The following CABLES2 variants were observed in gnomAD, a reference collection of about 807,000 sequenced individuals.
CABLES2 encodes CDK5 and ABL1 enzyme substrate 2.
A neutral mutation model predicts 44.8 loss-of-function variants in CABLES2; 35 were observed. The ratio of observed to expected loss-of-function variants is 0.78; its 90% CI spans 0.60 to 1.04. The LOEUF (loss-of-function observed/expected upper bound fraction) is 1.04, where lower values mean the gene tolerates loss of function less well. Ranked by LOEUF, CABLES2 falls within the 50% of genes least tolerant of loss-of-function variation. CABLES2 has a pLI of 0.00. For synonymous variants in CABLES2, 282 were observed against 281.1 expected, an observed-to-expected ratio of 1.00 and a Z score of -0.03; for missense variants, 566 against 615.7, an observed-to-expected ratio of 0.92 and a Z score of 0.85.
chr20:62,405,297 G>C, intron 1 of CABLES2: 1 of 152,276 alleles, frequency 6.6e-6, no homozygotes, highest in East Asian at 1.9e-4. Flanking sequence ...GGGCCTTGCC[G>C]CTCTGCCCTG....
At position 62,394,204 on chromosome 20, in the gene CABLES2, C is replaced by T. The variant is rs777548833; in HGVS notation, c.667G>A (p.Glu223Lys). ...ACACCTTCTAGCTCAAAGACCATCT[C>T]GGAAGACACAGAGACGCCGCCGGAC... Reference protein sequence around the residue: ...HPSGGVSVSSEMVFELEGVEL... With the variant: ...HPSGGVSVSSKMVFELEGVEL... Residue 223 changes from glutamate (E) to lysine (K), a missense_variant, in exon 5 of 10, where the codon GAG becomes AAG. Around this residue, in one of 2 missense-constraint regions of CABLES2, gnomAD observed 436 missense variants for 536.3 expected, o/e 0.81. Transcript: ENST00000279101. 30 of 1,613,532 alleles carry T rather than the reference C, an allele frequency of 1.9e-5. No homozygotes were observed. The highest frequency in any genetic ancestry group is 5.5e-5 in the South Asian group (5 of 91,092).
In CABLES2 at chr20:62,391,612, T is replaced by TA. The variant is rs372574038; in HGVS notation, c.1092-160dup. ...ATGGTACCCTCCGCCGTACCATGTA[T>TA]AACGCCCAGGGCAGGGCGCATGGGC... On this transcript the variant is annotated intron_variant, in intron 8 of 9. Transcript: ENST00000279101. This position sits in a 1 kb window ranked among gnomAD's most constrained non-coding sequence, Gnocchi z 5.7. Among the ~76,000 whole-genome samples, 296 of 152,314 alleles carry TA rather than the reference T, an allele frequency of 1.9e-3. 1 individual carries two copies. The highest frequency in any genetic ancestry group is 6.7e-3 in the African/African-American group (280 of 41,576).
chr20:62,395,811 C>G (rs569432470), intron 3 of CABLES2, among the ~76,000 whole-genome samples: 4 of 152,222 alleles, frequency 2.6e-5, no homozygotes, highest in African/African-American at 4.8e-5. Flanking sequence ...CCTCAGGACA[C>G]CTCAGGACAT....
At chr20:62,405,012 G>A (rs1988254680) in intron 1 of CABLES2, 1 of 152,446 alleles carries the variant, frequency 6.6e-6, no homozygotes, top group East Asian at 1.9e-4. Context: ...ACTTCCCTGC[G>A]CGTCGCCACG....
intron 1 of CABLES2, among the ~76,000 whole-genome samples, chr20:62,401,913 C>G (rs1395309390): frequency 6.6e-6 from 1 of 152,236 alleles, no homozygotes; most frequent in African/African-American, 2.4e-5. Context: ...AAGGAACAAG[C>G]GAGCAAAGCA....
At chr20:62,406,338 T>C (rs6061515) in intron 1 of CABLES2, among the ~76,000 whole-genome samples, 17,552 of 151,892 alleles carry the variant, frequency 0.12, 1,331 homozygotes, top group South Asian at 0.23. Context: ...TGCACAGGGC[T>C]GTCCATGTGT....
chr20:62,394,163 G>A lies in CABLES2; in HGVS notation c.708C>T (p.Asp236=), dbSNP rs760064871. 23 of 1,612,966 alleles carry A rather than the reference G, an allele frequency of 1.4e-5. No homozygotes were observed. The highest frequency in any genetic ancestry group is 2.2e-5 in the South Asian group (2 of 91,086). The change falls in exon 5 of 10, where the codon GAC becomes GAT. Residue 236 remains aspartate, a synonymous_variant. Coordinates refer to ENST00000279101, the MANE Select transcript of CABLES2 (RefSeq NM_031215.3). ...FELEGVELGA[D]GKVVSYAKFL... ...CCAGCGAAGAGGCTCTTACCTTCCC[G>A]TCTGCTCCTAGCTCCACACCTTCTA...
chr20:62,399,825 C>A (rs999589425), intron 1 of CABLES2, among the ~76,000 whole-genome samples: 1 of 149,850 alleles, frequency 6.7e-6, no homozygotes, highest in African/African-American at 2.5e-5. Flanking sequence ...AACTCCTGAT[C>A]TCAAATGATC....
intron 1 of CABLES2, among the ~76,000 whole-genome samples, chr20:62,401,518 C>T (rs545836814): frequency 7.2e-5 from 11 of 152,326 alleles, no homozygotes; most frequent in Admixed American, 3.9e-4. Flanking sequence ...CTGCTCGCCC[C>T]GGGCCCCACA....
intron 1 of CABLES2, among the ~76,000 whole-genome samples, chr20:62,398,211 A>G (rs1269735501): frequency 1.1e-3 from 24 of 22,796 alleles, no homozygotes; most frequent in Non-Finnish European, 1.3e-3. Context: ...GGTGATGGTG[A>G]TGTGATGGTG....
At chr20:62,404,073 T>C (rs2146430082) in intron 1 of CABLES2, 1 of 152,270 alleles carries the variant, frequency 6.6e-6, no homozygotes, top group African/African-American at 2.4e-5. Flanking sequence ...TAGTTCCAGC[T>C]ACTGGGAGGC....
intron 8 of CABLES2, among the ~76,000 whole-genome samples, chr20:62,392,086 CG>C (rs1423289873): frequency 1.3e-5 from 2 of 151,914 alleles, no homozygotes. Context: ...TGGGAGGGGC[CG>C]GGCACAACAG....
At position 62,396,415 on chromosome 20, in the gene CABLES2, G is replaced by A; in HGVS notation, c.435-8C>T. ...CCAGATGTGTGTTTGGTTCTGCAAG[G>A]CAAAGGACACAGGTCACTCTTTTCC... On this transcript the variant is annotated splice_polypyrimidine_tract_variant and splice_region_variant and intron_variant, in intron 2 of 9. Coordinates refer to ENST00000279101, the MANE Select transcript of CABLES2 (RefSeq NM_031215.3). This position sits in a 1 kb window ranked among gnomAD's most constrained non-coding sequence, Gnocchi z 5.7. 1 of 1,613,800 alleles carries A rather than the reference G, an allele frequency of 6.2e-7. No homozygotes were observed. The highest frequency in any genetic ancestry group is 8.5e-7 in the Non-Finnish European group (1 of 1,179,830).
intron 1 of CABLES2, among the ~76,000 whole-genome samples, chr20:62,401,592 C>CA (rs1453775741): frequency 6.6e-6 from 1 of 152,230 alleles, no homozygotes; most frequent in Non-Finnish European, 1.5e-5. Context: ...TACCACCTTA[C>CA]GCCTAGCTGG....
At chr20:62,393,396 G>T in intron 6 of CABLES2, 44 bp downstream of exon 6, 1 of 1,543,428 alleles carries the variant, frequency 6.5e-7, no homozygotes, top group Non-Finnish European at 8.8e-7. Flanking sequence ...GTTAAGGCAC[G>T]CGGGTCACCC....
At chr20:62,403,181 G>C (rs575702726) in intron 1 of CABLES2, 12 of 152,362 alleles carry the variant, frequency 7.9e-5, no homozygotes, top group African/African-American at 2.9e-4. Context: ...CCTCATTAGC[G>C]TTGTGGACAC....
rs559347448 is a variant in CABLES2, at chr20:62,396,480, C to G, written c.434+41G>C. On this transcript the variant is annotated intron_variant, in intron 2 of 9. Transcript: ENST00000279101. The surrounding 1 kb of genome is among the most constrained non-coding windows in gnomAD (Gnocchi z 5.7). ...GGCCCCGCAGGGGTCAGTGGCAGCC[C>G]GAGCGGAGTCGTAGAGCTCGGGGCG... The G allele has an allele frequency of 1.9e-6, 3 of 1,613,476 alleles. No individual in the cohort carries two copies. Among genetic ancestry groups the G allele is most frequent in the Non-Finnish European group, 2.5e-6 (3 of 1,179,692 alleles).
At chr20:62,397,174 C>T (rs1347689894) in intron 1 of CABLES2, among the ~76,000 whole-genome samples, 1 of 152,228 alleles carries the variant, frequency 6.6e-6, no homozygotes, top group African/African-American at 2.4e-5. Flanking sequence ...TGTTCCTGCT[C>T]TTCCAGTGGC....
chr20:62,402,028 T>C (rs1988197862), intron 1 of CABLES2, among the ~76,000 whole-genome samples: 2 of 149,870 alleles, frequency 1.3e-5, no homozygotes, highest in Admixed American at 1.3e-4. Context: ...TCAGCCACCG[T>C]AGAGTTACAC....
Sources: gnomAD v4.1 joint callset for allele counts (sites outside exome capture counted in the v4.1 genomes callset) on GRCh38, gnomAD v4.1.1 for gene constraint, gnomAD v4.1.1 regional missense constraint, Gnocchi (gnomAD v3.1) non-coding constraint, MANE v1.5 for transcripts, NCBI Gene and HGNC (gene_info 2026-07-23, HGNC 2026-07-21) for gene names.